The following RFFL variants were observed in gnomAD, a reference collection of about 807,000 sequenced individuals.
The protein encoded by RFFL is ring finger and FYVE like domain containing E3 ubiquitin protein ligase, also known as E3 ubiquitin-protein ligase rififylin.
In RFFL, 16 loss-of-function variants were observed where a neutral mutation model predicts 40.4. The observed-to-expected ratio is 0.40, with a 90% confidence interval of 0.27 to 0.60. The LOEUF (loss-of-function observed/expected upper bound fraction) is 0.60. RFFL is among the 20% of genes least tolerant of loss of function. RFFL has a pLI of 0.47. For missense variants in RFFL, 367 were observed against 451.7 expected, an observed-to-expected ratio of 0.81 and a Z score of 1.70; for synonymous variants, 154 against 167.9, an observed-to-expected ratio of 0.92 and a Z score of 0.64.
intron 1 of RFFL, among the ~76,000 whole-genome samples, chr17:35,075,786 G>C (rs771069108): frequency 2.6e-5 from 4 of 151,942 alleles, no homozygotes; most frequent in African/African-American, 7.3e-5. Context: ...TTCACAAAAG[G>C]CTTCTAAAAA....
intron 1 of RFFL, among the ~76,000 whole-genome samples, chr17:35,074,705 A>G (rs1324672404): frequency 1.3e-5 from 2 of 152,194 alleles, no homozygotes; most frequent in Admixed American, 1.3e-4. Flanking sequence ...GCACCTGGAG[A>G]GCACATAATA....
At chr17:35,044,549 G>A (rs1251123220) in intron 1 of RFFL, among the ~76,000 whole-genome samples, 2 of 152,192 alleles carry the variant, frequency 1.3e-5, no homozygotes, top group Non-Finnish European at 2.9e-5. Flanking sequence ...GGGAGGTGGA[G>A]GTTGCAGTGA....
chr17:35,021,317 A>G lies in RFFL; in HGVS notation c.591+54T>C, dbSNP rs192934338. The G allele has an allele frequency of 6.3e-5, 93 of 1,487,856 alleles. No homozygotes were observed. In the African/African-American group the frequency reaches 1.1e-3, roughly 18 times the overall value. 92.2% of individuals were successfully genotyped at this position (1,487,856 alleles called of 1,614,324 possible). A position where few individuals can be genotyped will look rare whatever the true frequency, so the allele number is the denominator to read the frequency against. On this transcript the variant is annotated intron_variant, in intron 3 of 6. Coordinates refer to ENST00000394597, the MANE Select transcript of RFFL (RefSeq NM_001017368.2). ...ACAACAAAGGCAGGAGAGGAAAATG[A>G]AAATGAGCCCTCAAACTGGCACAGA...
intron 2 of RFFL, among the ~76,000 whole-genome samples, chr17:35,023,723 G>A (rs1174707979): frequency 1.3e-5 from 2 of 152,220 alleles, no homozygotes; most frequent in Non-Finnish European, 2.9e-5. Context: ...CAATTATAAA[G>A]CCTGCGTTGC....
rs1336786036 is a variant in RFFL at position 35,021,776 on chromosome 17, G to A, written c.186C>T (p.Thr62=). ...AAAAATTTTTCTTACAGTCCAAGCA[G>A]GTCTGCTGCTTAGAGCAAAAGACAC... ...AHFANTARKQ[T]CLDCKKNFCM... is the part of the protein sequence containing the mutation. The change falls in exon 3 of 7, where the codon ACC becomes ACT. Residue 62 remains threonine (T), a synonymous_variant. Coordinates refer to ENST00000394597, the MANE Select transcript of RFFL (RefSeq NM_001017368.2). The A allele has an allele frequency of 7.4e-6, 12 of 1,614,174 alleles. No homozygotes were observed. Among genetic ancestry groups the A allele is most frequent in the Non-Finnish European group, 9.3e-6 (11 of 1,180,020 alleles).
intron 1 of RFFL, among the ~76,000 whole-genome samples, chr17:35,088,041 G>A (rs960723555): frequency 1.5e-4 from 23 of 152,164 alleles, no homozygotes; most frequent in African/African-American, 5.3e-4. Flanking sequence ...TCAGTAAATT[G>A]AACTGTCACG....
At chr17:35,042,607 A>G (rs959043922) in intron 1 of RFFL, among the ~76,000 whole-genome samples, 11 of 152,006 alleles carry the variant, frequency 7.2e-5, no homozygotes, top group Non-Finnish European at 1.6e-4. Context: ...GGATCACCTG[A>G]GCGCCCAGGA....
At chr17:35,078,336 T>G (rs1284032107) in intron 1 of RFFL, among the ~76,000 whole-genome samples, 1 of 152,228 alleles carries the variant, frequency 6.6e-6, no homozygotes, top group African/African-American at 2.4e-5. Flanking sequence ...AGGGTCTCAC[T>G]CTGTTGTCCA....
At chr17:35,046,395 A>T in intron 1 of RFFL, among the ~76,000 whole-genome samples, 1 of 152,210 alleles carries the variant, frequency 6.6e-6, no homozygotes, top group East Asian at 1.9e-4. Context: ...AAGACATGCT[A>T]GAAATCAAAG....
chr17:35,080,982 G>A (rs972497471), intron 1 of RFFL, among the ~76,000 whole-genome samples: 2 of 152,206 alleles, frequency 1.3e-5, no homozygotes, highest in Non-Finnish European at 2.9e-5. Context: ...GATAACATTA[G>A]CTCAACAAAA....
chr17:35,011,292 A>C lies in RFFL; in HGVS notation c.*676T>G, dbSNP rs1459890895. On this transcript the variant is annotated 3_prime_UTR_variant, in exon 7 of 7. Transcript: ENST00000394597. ...TTTTGTTGGCTCCCAGAGTCAGGTC[A>C]GGAGACCAACAGCTTCCAATCCCAG... The C allele has an allele frequency of 6.6e-6, 1 of 152,276 alleles. No individual in the cohort carries two copies. Among genetic ancestry groups the C allele is most frequent in the East Asian group, 1.9e-4 (1 of 5,196 alleles). The allele number at this position is 152,276 out of a possible 1,614,324, so 9.4% of individuals were successfully genotyped here.
At chr17:35,075,108 G>C (rs1292975468) in intron 1 of RFFL, among the ~76,000 whole-genome samples, 1 of 152,120 alleles carries the variant, frequency 6.6e-6, no homozygotes, top group Non-Finnish European at 1.5e-5. Context: ...TCTCACTCCT[G>C]TTCCCCATCC....
intron 1 of RFFL, among the ~76,000 whole-genome samples, chr17:35,071,488 C>T (rs1167452804): frequency 6.6e-6 from 1 of 151,876 alleles, no homozygotes; most frequent in Non-Finnish European, 1.5e-5. Context: ...AGTGGTGGTG[C>T]ACACCTGTAG....
Position 35,014,774 on chromosome 17 carries a change from A to C in RFFL, c.887-11T>G. 1 of 1,612,842 alleles carries C rather than the reference A, an allele frequency of 6.2e-7. No homozygotes were observed. The highest frequency in any genetic ancestry group is 8.5e-7 in the Non-Finnish European group (1 of 1,178,838). On this transcript the variant is annotated splice_polypyrimidine_tract_variant and intron_variant, in intron 5 of 6. Coordinates refer to ENST00000394597, the MANE Select transcript of RFFL (RefSeq NM_001017368.2). ...CTTCGGCACCACTGACTGAAAAGGA[A>C]AGAGAAGGATGTCTGAATAGGTAAG...
chr17:35,012,157 A>C lies in RFFL; in HGVS notation c.911-8T>G, dbSNP rs2090944231. 5 of 1,612,616 alleles carry C rather than the reference A, an allele frequency of 3.1e-6. No homozygotes were observed. The African/African-American group carries it at 4.0e-5, about 13-fold the overall frequency. Reference sequence around the variant, plus strand: ...CTGATGGTACTGCTCCCCCTGTACAAACACACAGGGCAGAAAAAAAGGGGC... The same window carrying C: ...CTGATGGTACTGCTCCCCCTGTACACACACACAGGGCAGAAAAAAAGGGGC... On this transcript the variant is annotated splice_region_variant and splice_polypyrimidine_tract_variant and intron_variant, in intron 6 of 6. Coordinates refer to ENST00000394597, the MANE Select transcript of RFFL (RefSeq NM_001017368.2).
intron 2 of RFFL, 114 bp from the exon 3 acceptor site, chr17:35,021,895 C>A: frequency 2.0e-6 from 2 of 1,014,642 alleles, no homozygotes; most frequent in Non-Finnish European, 1.5e-6. Context: ...GTCACTCTTA[C>A]TTTTACTAAG....
chr17:35,044,274 G>T (rs2091183967), intron 1 of RFFL, among the ~76,000 whole-genome samples: 2 of 152,092 alleles, frequency 1.3e-5, no homozygotes, highest in African/African-American at 2.4e-5. Flanking sequence ...TAGAGACAGG[G>T]TCTATGTTAC....
At chr17:35,073,959 A>T (rs2091363714) in intron 1 of RFFL, 1 of 152,262 alleles carries the variant, frequency 6.6e-6, no homozygotes, top group Non-Finnish European at 1.5e-5. Context: ...AGCTAAAACT[A>T]GTAAAATAAG....
intron 1 of RFFL, among the ~76,000 whole-genome samples, chr17:35,040,993 G>A (rs954435936): frequency 7.3e-5 from 11 of 151,454 alleles, no homozygotes; most frequent in South Asian, 4.2e-4. Flanking sequence ...ATCCTCCTGC[G>A]TCAGGCTCCC....
Sources: allele counts gnomAD v4.1 joint callset (sites outside exome capture counted in the v4.1 genomes callset), GRCh38; gene constraint gnomAD v4.1.1; transcripts MANE v1.5; gene names NCBI Gene and HGNC (gene_info 2026-07-23, HGNC 2026-07-21).